Variants in NDFIP2 observed in about 807,000 individuals in gnomAD.
NDFIP2 encodes Nedd4 family interacting protein 2, also known as NEDD4 family-interacting protein 2.
Under a neutral mutation model 36.0 loss-of-function variants are expected in NDFIP2, and 19 were observed. That is an observed-to-expected ratio of 0.53 (90% CI 0.37 to 0.77). The LOEUF (loss-of-function observed/expected upper bound fraction) is 0.77. Among genes scored for constraint, NDFIP2 ranks in the 30% least tolerant of loss-of-function variants. The pLI is 0.00. For synonymous variants in NDFIP2, 181 were observed against 167.7 expected (o/e 1.08, Z -0.61); for missense variants, 446 against 435.8 (o/e 1.02, Z -0.21).
chr13:79,510,719 G>A (rs1033215129), intron 1 of NDFIP2, among the ~76,000 whole-genome samples: 6 of 152,052 alleles, frequency 3.9e-5, no homozygotes, highest in African/African-American at 7.2e-5. Flanking sequence ...GGCCGGGTGC[G>A]GTGGCTCATG....
intron 1 of NDFIP2, among the ~76,000 whole-genome samples, chr13:79,481,763 CT>C (rs1297568779): frequency 2.0e-5 from 3 of 152,022 alleles, no homozygotes; most frequent in Non-Finnish European, 4.4e-5. Flanking sequence ...CACCCGCACC[CT>C]TAGCCCCGCT....
chr13:79,524,833 A>G (rs1874728979), intron 2 of NDFIP2, among the ~76,000 whole-genome samples: 2 of 152,170 alleles, frequency 1.3e-5, no homozygotes, highest in Admixed American at 1.3e-4. Flanking sequence ...GCTCTGTCAT[A>G]TGCCCTGCAG....
rs1268870008 is a variant in NDFIP2, at chr13:79,533,349, C to T, written c.514C>T (p.Pro172Ser). 2 of 1,608,308 alleles carry T rather than the reference C, an allele frequency of 1.2e-6. No individual in the cohort carries two copies. The highest frequency in any genetic ancestry group is 1.7e-6 in the Non-Finnish European group (2 of 1,177,172). Residue 172 changes from proline (P) to serine (S), a missense_variant, in exon 3 of 8, where the codon CCC becomes TCC. Pro to Ser is a moderately conservative substitution (Grantham distance 74). This residue lies in a region of NDFIP2 where 369 missense variants were observed against 304.8 expected (regional missense o/e 1.21). Coordinates refer to ENST00000218652, the MANE Select transcript of NDFIP2 (RefSeq NM_019080.3). ...SDTEVYGEFYPVPPPYSVATS... is the reference protein window; with the variant it reads ...SDTEVYGEFYSVPPPYSVATS... ...TACAGAAGTTTACGGTGAGTTTTAT[C>T]CCGTGCCACCTCCCTATAGCGTTGC...
Position 79,481,411 on chromosome 13 carries a change from T to C in NDFIP2, c.208T>C (p.Ser70Pro), listed in dbSNP as rs1566650773. Residue 70 changes from serine (S) to proline (P), a missense_variant, in exon 1 of 8, where the codon TCG (serine) becomes CCG (proline). Physicochemically the swap from Ser to Pro is moderately conservative, Grantham distance 74. Around this residue, in one of 2 missense-constraint regions of NDFIP2, gnomAD observed 369 missense variants for 304.8 expected, o/e 1.21. Transcript: ENST00000218652. ...GGRGPAATTSSTGVAVGAEHG... is the reference protein window; with the variant it reads ...GGRGPAATTSPTGVAVGAEHG... ...AAGGGGCCCTGCGGCGACGACGTCG[T>C]CGACGGGGGTGGCCGTGGGAGCTGA... 3 of 1,555,668 alleles carry C rather than the reference T, an allele frequency of 1.9e-6. No individual in the cohort carries two copies. The highest frequency in any genetic ancestry group is 1.7e-6 in the Non-Finnish European group (2 of 1,149,866).
At chr13:79,518,960 C>T (rs1874456180) in intron 1 of NDFIP2, 1 of 152,300 alleles carries the variant, frequency 6.6e-6, no homozygotes, top group Non-Finnish European at 1.5e-5. Context: ...AGTCACATGC[C>T]AGACTTGACC....
At chr13:79,540,861 A>G (rs1212907157) in intron 4 of NDFIP2, among the ~76,000 whole-genome samples, 2 of 152,186 alleles carry the variant, frequency 1.3e-5, no homozygotes, top group Admixed American at 1.3e-4. Flanking sequence ...CAGCTAATGT[A>G]TATGCAAGAT....
chr13:79,550,930 A>G (rs1330258580), intron 6 of NDFIP2, 87 bp from the exon 7 acceptor site: 1 of 700,800 alleles, frequency 1.4e-6, no homozygotes, highest in East Asian at 2.7e-5. Context: ...AGCCAAGAGG[A>G]TCTTGTTTAT....
chr13:79,487,196 G>T (rs889741928), intron 1 of NDFIP2, among the ~76,000 whole-genome samples: 24 of 151,924 alleles, frequency 1.6e-4, no homozygotes, highest in African/African-American at 5.8e-4. Flanking sequence ...ATCCTTACTA[G>T]ATCAATTCAT....
At chr13:79,495,546 G>T (rs9530926) in intron 1 of NDFIP2, among the ~76,000 whole-genome samples, 25,912 of 151,702 alleles carry the variant, frequency 0.17, 2,666 homozygotes, top group Middle Eastern at 0.29. Context: ...AATTACTTTT[G>T]CAACAACCTA....
At position 79,555,735 on chromosome 13, in the gene NDFIP2, G is replaced by C. The variant is rs1330965402; in HGVS notation, c.*3222G>C. 1.3e-5 allele frequency: 2 copies of C among 151,902 alleles called. No individual in the cohort carries two copies. The highest frequency in any genetic ancestry group is 1.3e-4 in the Admixed American group (2 of 15,224). 9.4% of individuals were successfully genotyped at this position (151,902 alleles called of 1,614,324 possible). On this transcript the variant is annotated 3_prime_UTR_variant, in exon 8 of 8. Transcript: ENST00000218652. ...CATATGAAAACATATATTTGATAAA[G>C]GTCAATTGTTAGATGATAATGTGCC...
At chr13:79,511,434 C>G (rs1392974012) in intron 1 of NDFIP2, among the ~76,000 whole-genome samples, 1 of 152,110 alleles carries the variant, frequency 6.6e-6, no homozygotes, top group East Asian at 1.9e-4. Context: ...CTGTAGTTTT[C>G]AGAAACCATT....
intron 1 of NDFIP2, among the ~76,000 whole-genome samples, chr13:79,491,422 G>C (rs77552382): frequency 6.6e-6 from 1 of 152,016 alleles, no homozygotes; most frequent in East Asian, 1.9e-4. Context: ...GTCTTCCTCT[G>C]TCTCTCTCTC....
chr13:79,507,842 T>A (rs899549391), intron 1 of NDFIP2, among the ~76,000 whole-genome samples: 1 of 151,996 alleles, frequency 6.6e-6, no homozygotes, highest in Admixed American at 6.6e-5. Context: ...TTTTTTTTTT[T>A]AAGAAATGAA....
At chr13:79,529,638 C>G (rs1350876082) in intron 2 of NDFIP2, among the ~76,000 whole-genome samples, 1 of 152,094 alleles carries the variant, frequency 6.6e-6, no homozygotes, top group East Asian at 1.9e-4. Context: ...CTGCTAGTAC[C>G]AATTCCATGT....
chr13:79,481,269 C>A lies in NDFIP2; in HGVS notation c.66C>A (p.Gly22=). ...SGPSMLNSAR[G]APELLRGTAT... is the part of the protein sequence containing the mutation. ...CGAGCATGCTCAATAGCGCGCGCGG[C>A]GCCCCGGAGCTTCTCCGCGGAACCG... The change falls in exon 1 of 8, where the codon GGC becomes GGA. Residue 22 remains glycine, a synonymous_variant. Transcript: ENST00000218652. 6.5e-7 allele frequency: 1 copy of A among 1,536,518 alleles called. No homozygotes were observed. Among genetic ancestry groups the A allele is most frequent in the Non-Finnish European group, 8.7e-7 (1 of 1,145,984 alleles).
At chr13:79,529,403 C>T (rs900849906) in intron 2 of NDFIP2, among the ~76,000 whole-genome samples, 12 of 152,004 alleles carry the variant, frequency 7.9e-5, no homozygotes, top group African/African-American at 2.9e-4. Context: ...TAAAAGATCA[C>T]ATCTCCTTGG....
At chr13:79,498,287 A>G (rs1873525881) in intron 1 of NDFIP2, among the ~76,000 whole-genome samples, 2 of 151,930 alleles carry the variant, frequency 1.3e-5, no homozygotes, top group Admixed American at 1.3e-4. Context: ...AATGCTAGTC[A>G]TGTTGTTTTC....
intron 4 of NDFIP2, among the ~76,000 whole-genome samples, chr13:79,542,500 G>C (rs1875493656): frequency 6.8e-6 from 1 of 146,376 alleles, no homozygotes; most frequent in South Asian, 2.1e-4. Context: ...TTTTTGTGTT[G>C]TTCTGTTTTT....
chr13:79,514,986 A>G (rs969418512), intron 1 of NDFIP2, among the ~76,000 whole-genome samples: 1 of 152,158 alleles, frequency 6.6e-6, no homozygotes, highest in Non-Finnish European at 1.5e-5. Flanking sequence ...TGGCTGAACA[A>G]TGGGGATATG....
Sources: gnomAD v4.1 joint callset for allele counts (sites outside exome capture counted in the v4.1 genomes callset) on GRCh38, gnomAD v4.1.1 for gene constraint, gnomAD v4.1.1 regional missense constraint, MANE v1.5 for transcripts, NCBI Gene and HGNC (gene_info 2026-07-23, HGNC 2026-07-21) for gene names.